Variants in BRIP1 observed in about 807,000 individuals in gnomAD.
The protein encoded by BRIP1 is Fanconi anemia group J protein.
In BRIP1, 88 loss-of-function variants were observed where a neutral mutation model predicts 119.7. The ratio of observed to expected loss-of-function variants is 0.74; its 90% CI spans 0.62 to 0.88. The LOEUF (loss-of-function observed/expected upper bound fraction) is 0.88. Among genes scored for constraint, BRIP1 ranks in the 40% least tolerant of loss-of-function variants. The probability of loss-of-function intolerance (pLI) is 0.00; values close to 1 mark genes in which losing one functional copy is unlikely to be tolerated. For synonymous variants in BRIP1, 443 were observed against 496.5 expected (o/e 0.89, Z 1.43); for missense variants, 1,259 against 1,455.4 (o/e 0.87, Z 2.20).
At chr17:61,727,899 G>A (rs2076790419) in intron 16 of BRIP1, among the ~76,000 whole-genome samples, 1 of 149,438 alleles carries the variant, frequency 6.7e-6, no homozygotes, top group South Asian at 2.1e-4. Flanking sequence ...GCATGATCTT[G>A]GCCACTGCAA....
At chr17:61,855,363 A>G (rs1358519355) in intron 4 of BRIP1, among the ~76,000 whole-genome samples, 1 of 152,168 alleles carries the variant, frequency 6.6e-6, no homozygotes, top group Non-Finnish European at 1.5e-5. Flanking sequence ...GAGTAACTTG[A>G]GGTCAGGAGT....
At position 61,852,248 on chromosome 17, in the gene BRIP1, G is replaced by C. The variant is rs766230481; in HGVS notation, c.380-2992C>G. 6.6e-6 allele frequency among the ~76,000 whole-genome samples: 1 copy of C among 152,166 alleles called. No individual in the cohort carries two copies. Among genetic ancestry groups the C allele is most frequent in the South Asian group, 2.1e-4 (1 of 4,828 alleles). On this transcript the variant is annotated intron_variant, in intron 4 of 19. Transcript: ENST00000259008. The surrounding 1 kb of genome is among the most constrained non-coding windows in gnomAD (Gnocchi z 4.9). Reference sequence around the variant, plus strand: ...CAAAAAGGCTTATCTTCCTGGTCTTGATAGCAAGGGAGTTTGAAGGAAGTT... The same window carrying C: ...CAAAAAGGCTTATCTTCCTGGTCTTCATAGCAAGGGAGTTTGAAGGAAGTT...
rs991275950 is a variant in BRIP1 at position 61,754,798 on chromosome 17, A to G, written c.2098-10207T>C. ...GCCTTTCCTCTCTATTCAGAGAGGA[A>G]CAGGGAGAGAGAGCAATGAAGTTTT... On this transcript the variant is annotated intron_variant, in intron 14 of 19. Coordinates refer to ENST00000259008, the MANE Select transcript of BRIP1 (RefSeq NM_032043.3). The surrounding 1 kb of genome is among the most constrained non-coding windows in gnomAD (Gnocchi z 4.1). Among the ~76,000 whole-genome samples the G allele has an allele frequency of 3.3e-5, 5 of 152,074 alleles. No individual in the cohort carries two copies. Among genetic ancestry groups the G allele is most frequent in the African/African-American group, 1.2e-4 (5 of 41,414 alleles).
rs2061407904 is a variant in BRIP1, at chr17:61,689,102, G to A, written c.2576-2937C>T. ...TCTGTCGCCCAGGCTGGAGTGCAGT[G>A]GCGCCATCTCGGCTCACTGAAACCT... On this transcript the variant is annotated intron_variant, in intron 18 of 19. Coordinates refer to ENST00000259008, the MANE Select transcript of BRIP1 (RefSeq NM_032043.3). This position sits in a 1 kb window ranked among gnomAD's most constrained non-coding sequence, Gnocchi z 4.5. Among the ~76,000 whole-genome samples, 1 of 139,058 alleles carries A rather than the reference G, an allele frequency of 7.2e-6. No individual in the cohort carries two copies. Among genetic ancestry groups the A allele is most frequent in the African/African-American group, 2.8e-5 (1 of 35,698 alleles). The allele number at this position is 139,058 out of a possible 152,430, so 91.2% of individuals were successfully genotyped here. A position where few individuals can be genotyped will look rare whatever the true frequency, so the allele number is the denominator to read the frequency against.
At chr17:61,697,727 CT>C (rs1207292876) in intron 17 of BRIP1, among the ~76,000 whole-genome samples, 32 of 147,196 alleles carry the variant, frequency 2.2e-4, no homozygotes, top group African/African-American at 2.7e-4. Context: ...TTAGTTTGCT[CT>C]TTTTTTTTTC....
chr17:61,719,177 C>CT (rs2061931350), intron 16 of BRIP1, among the ~76,000 whole-genome samples: 1 of 84,470 alleles, frequency 1.2e-5, no homozygotes, highest in South Asian at 4.1e-4. Flanking sequence ...AGAGACATTG[C>CT]CCCCCCCCCA....
chr17:61,848,391 TG>T lies in BRIP1; in HGVS notation c.507+737del, dbSNP rs1461350751. Reference sequence around the variant, plus strand: ...CACCCGGTCTTTTTTTTTACTTTTTTGTGGAGACAGGAGCCTTGCTATGTCA... The same window carrying T: ...CACCCGGTCTTTTTTTTTACTTTTTTTGGAGACAGGAGCCTTGCTATGTCA... On this transcript the variant is annotated intron_variant, in intron 5 of 19. Transcript: ENST00000259008. This position sits in a 1 kb window ranked among gnomAD's most constrained non-coding sequence, Gnocchi z 4.3. 6.6e-6 allele frequency among the ~76,000 whole-genome samples: 1 copy of T among 152,038 alleles called. No homozygotes were observed. The highest frequency in any genetic ancestry group is 1.5e-5 in the Non-Finnish European group (1 of 67,994).
Position 61,758,010 on chromosome 17 carries a change from AAAAAG to A in BRIP1, c.2098-13424_2098-13420del, listed in dbSNP as rs758275381. ...CACTGTCTTGAAAAAAAAAAAGAGA[AAAAAG>A]AAAAGAAAACAATAAGAACTCAATA... On this transcript the variant is annotated intron_variant, in intron 14 of 19. Coordinates refer to ENST00000259008, the MANE Select transcript of BRIP1 (RefSeq NM_032043.3). This position sits in a 1 kb window ranked among gnomAD's most constrained non-coding sequence, Gnocchi z 5.3. Among the ~76,000 whole-genome samples, 123 of 152,110 alleles carry A rather than the reference AAAAAG, an allele frequency of 8.1e-4. 1 individual carries two copies. Among genetic ancestry groups the A allele is most frequent in the Non-Finnish European group, 1.5e-3 (100 of 67,996 alleles).
At chr17:61,718,442 A>T (rs1380050105) in intron 16 of BRIP1, among the ~76,000 whole-genome samples, 1 of 152,146 alleles carries the variant, frequency 6.6e-6, no homozygotes. Context: ...AGACTTTGTA[A>T]GCACTAGGAA....
rs547111192 is a variant in BRIP1, at chr17:61,804,294, G to C, written c.919-2820C>G. Among the ~76,000 whole-genome samples the C allele has an allele frequency of 6.6e-6, 1 of 151,758 alleles. No individual in the cohort carries two copies. The highest frequency in any genetic ancestry group is 1.5e-5 in the Non-Finnish European group (1 of 67,950). On this transcript the variant is annotated intron_variant, in intron 7 of 19. Transcript: ENST00000259008. The surrounding 1 kb of genome is among the most constrained non-coding windows in gnomAD (Gnocchi z 4.5). Reference sequence around the variant, plus strand: ...TTAATTCTACTATTTATTTTAAAACGATTTTGAAATAAAAATATTTATTTT... The same window carrying C: ...TTAATTCTACTATTTATTTTAAAACCATTTTGAAATAAAAATATTTATTTT...
chr17:61,801,182 A>G, intron 8 of BRIP1, 71 bp downstream of exon 8: 1 of 1,439,604 alleles, frequency 6.9e-7, no homozygotes. Flanking sequence ...AAAACATCTA[A>G]AAGCTTTTAC....
Position 61,713,449 on chromosome 17 carries a change from G to T in BRIP1, c.2492+2502C>A, listed in dbSNP as rs2061809430. On this transcript the variant is annotated intron_variant, in intron 17 of 19. Transcript: ENST00000259008. The surrounding 1 kb of genome is among the most constrained non-coding windows in gnomAD (Gnocchi z 4.9). Reference sequence around the variant, plus strand: ...AAGACCTTCCAGTGATTCAAGACATGGAGGTAGAAGACAGGGATATTAATG... The same window carrying T: ...AAGACCTTCCAGTGATTCAAGACATTGAGGTAGAAGACAGGGATATTAATG... Among the ~76,000 whole-genome samples the T allele has an allele frequency of 6.6e-6, 1 of 152,138 alleles. No individual in the cohort carries two copies. Among genetic ancestry groups the T allele is most frequent in the Non-Finnish European group, 1.5e-5 (1 of 68,014 alleles).
Position 61,810,060 on chromosome 17 carries a change from G to A in BRIP1, c.628-1303C>T, listed in dbSNP as rs1427263093. ...CACTCACTGGGATAAAAGGTTCACTGATGTGCCAAATAAACAGTCAGTCAA... is the reference window on the plus strand; with the variant it reads ...CACTCACTGGGATAAAAGGTTCACTAATGTGCCAAATAAACAGTCAGTCAA... On this transcript the variant is annotated intron_variant, in intron 6 of 19. Coordinates refer to ENST00000259008, the MANE Select transcript of BRIP1 (RefSeq NM_032043.3). This position sits in a 1 kb window ranked among gnomAD's most constrained non-coding sequence, Gnocchi z 4.7. 6.6e-6 allele frequency among the ~76,000 whole-genome samples: 1 copy of A among 152,196 alleles called. No individual in the cohort carries two copies.
Position 61,756,243 on chromosome 17 carries a change from TCACATAAATAAA to T in BRIP1, c.2098-11664_2098-11653del, listed in dbSNP as rs1431796679. ...AACTATTTCTGTCTTGCCAGAGAAATCACATAAATAAACACAAAAATAACTCAATTGTTAAAT... is the reference window on the plus strand; with the variant it reads ...AACTATTTCTGTCTTGCCAGAGAAATCACAAAAATAACTCAATTGTTAAAT... On this transcript the variant is annotated intron_variant, in intron 14 of 19. Transcript: ENST00000259008. The surrounding 1 kb of genome is among the most constrained non-coding windows in gnomAD (Gnocchi z 4.3). Among the ~76,000 whole-genome samples, 2 of 152,118 alleles carry T rather than the reference TCACATAAATAAA, an allele frequency of 1.3e-5. No homozygotes were observed. The highest frequency in any genetic ancestry group is 4.8e-5 in the African/African-American group (2 of 41,426).
At chr17:61,818,207 GA>G (rs1194761811) in intron 6 of BRIP1, among the ~76,000 whole-genome samples, 10 of 147,904 alleles carry the variant, frequency 6.8e-5, no homozygotes, top group Middle Eastern at 3.4e-3. Context: ...GGAGGGGGGG[GA>G]AAGATGGGCA....
At position 61,689,745 on chromosome 17, in the gene BRIP1, T is replaced by G. The variant is rs929067686; in HGVS notation, c.2576-3580A>C. Among the ~76,000 whole-genome samples the G allele has an allele frequency of 7.9e-5, 12 of 152,324 alleles. No homozygotes were observed. Among genetic ancestry groups the G allele is most frequent in the Admixed American group, 3.3e-4 (5 of 15,298 alleles). On this transcript the variant is annotated intron_variant, in intron 18 of 19. Coordinates refer to ENST00000259008, the MANE Select transcript of BRIP1 (RefSeq NM_032043.3). The surrounding 1 kb of genome is among the most constrained non-coding windows in gnomAD (Gnocchi z 4.5). ...CAGTCACTAGGCCGGGCATGAAGGC[T>G]CATGCCTATAATCCCAACACTTTGG...
At chr17:61,767,000 T>A (rs2077382913) in intron 14 of BRIP1, among the ~76,000 whole-genome samples, 1 of 152,060 alleles carries the variant, frequency 6.6e-6, no homozygotes, top group Admixed American at 6.6e-5. Flanking sequence ...AGAGTCAAAA[T>A]CAAATTTATC....
At chr17:61,764,857 A>G (rs2077328749) in intron 14 of BRIP1, among the ~76,000 whole-genome samples, 1 of 152,056 alleles carries the variant, frequency 6.6e-6, no homozygotes, top group African/African-American at 2.4e-5. Context: ...TAAATTTGCT[A>G]CTTGATCCCT....
intron 4 of BRIP1, among the ~76,000 whole-genome samples, chr17:61,855,322 A>G (rs182319845): frequency 6.6e-6 from 1 of 152,338 alleles, no homozygotes; most frequent in East Asian, 1.9e-4. Flanking sequence ...TCACGCCTAT[A>G]ATCCCAGGAC....
Sources: allele counts gnomAD v4.1 joint callset (sites outside exome capture counted in the v4.1 genomes callset), GRCh38; gene constraint gnomAD v4.1.1; non-coding constraint Gnocchi (gnomAD v3.1); transcripts MANE v1.5; gene names NCBI Gene and HGNC (gene_info 2026-07-23, HGNC 2026-07-21).